PCTP: variants seen among roughly 807,000 people sequenced by gnomAD.
The protein encoded by PCTP is phosphatidylcholine transfer protein, also known as START domain-containing protein 2.
PCTP carries 27 observed loss-of-function variants against 31.0 expected under a neutral mutation model. That is an observed-to-expected ratio of 0.87 (90% confidence interval 0.64 to 1.20). The LOEUF (loss-of-function observed/expected upper bound fraction) is 1.20. PCTP is among the 50% of genes most tolerant of loss of function. The pLI is 0.00. For missense variants in PCTP, 287 were observed against 268.2 expected (o/e 1.07, Z -0.49); for synonymous variants, 108 against 101.2 (o/e 1.07, Z -0.40).
chr17:55,790,206 G>C (rs1359075410), intron 3 of PCTP, among the ~76,000 whole-genome samples: 1 of 151,990 alleles, frequency 6.6e-6, no homozygotes. Context: ...CATACTGAAT[G>C]GGCAAAAACT....
Position 55,756,601 on chromosome 17 carries a change from G to C in PCTP, c.141+5357G>C, listed in dbSNP as rs146829649. On this transcript the variant is annotated intron_variant, in intron 1 of 5. Coordinates refer to ENST00000268896, the MANE Select transcript of PCTP (RefSeq NM_021213.4). Reference sequence around the variant, plus strand: ...AGGGTGGGGCTTTGGTGGTCCTTTTGAGAGGCTCCCCCTTCACATAGGGGT... The same window carrying C: ...AGGGTGGGGCTTTGGTGGTCCTTTTCAGAGGCTCCCCCTTCACATAGGGGT... Among the ~76,000 whole-genome samples the C allele has an allele frequency of 3.3e-3, 506 of 152,284 alleles. 1 individual carries two copies. The highest frequency in any genetic ancestry group is 5.9e-3 in the Non-Finnish European group (402 of 68,016).
rs1264857317 is a variant in PCTP at position 55,771,089 on chromosome 17, C to T, written c.260-17C>T. The T allele has an allele frequency of 1.2e-6, 2 of 1,604,288 alleles. No homozygotes were observed. Among genetic ancestry groups the T allele is most frequent in the South Asian group, 1.1e-5 (1 of 90,842 alleles). On this transcript the variant is annotated splice_polypyrimidine_tract_variant and intron_variant, in intron 2 of 5. Coordinates refer to ENST00000268896, the MANE Select transcript of PCTP (RefSeq NM_021213.4). ...AAAAGGCTTCCAGATGCATTAACTT[C>T]TTTTGCTTTCCTTTAGAACTCTATG...
At chr17:55,838,422 C>T (rs1466290657) in intron 5 of PCTP, among the ~76,000 whole-genome samples, 3 of 152,194 alleles carry the variant, frequency 2.0e-5, no homozygotes, top group Non-Finnish European at 4.4e-5. Flanking sequence ...TTCACTTCCT[C>T]AGGAAGCCTC....
At chr17:55,844,039 T>G (rs1373465350), downstream of PCTP, among the ~76,000 whole-genome samples, 2 of 152,174 alleles carry the variant, frequency 1.3e-5, no homozygotes, top group African/African-American at 4.8e-5. Context: ...AGGAGACAGA[T>G]TTGAGAGAGG....
chr17:55,840,354 T>G (rs1371237811), intron 5 of PCTP, among the ~76,000 whole-genome samples: 1 of 152,206 alleles, frequency 6.6e-6, no homozygotes, highest in Non-Finnish European at 1.5e-5. Context: ...TTTGTACACT[T>G]TACTTGAAAA....
At chr17:55,808,921 C>A (rs1370534186) in intron 3 of PCTP, among the ~76,000 whole-genome samples, 1 of 152,168 alleles carries the variant, frequency 6.6e-6, no homozygotes, top group Non-Finnish European at 1.5e-5. Context: ...TTGAGCCAAT[C>A]CCGTATTGGC....
chr17:55,837,181 A>G (rs1003074664), intron 5 of PCTP, among the ~76,000 whole-genome samples: 1 of 152,252 alleles, frequency 6.6e-6, no homozygotes, highest in Non-Finnish European at 1.5e-5. Context: ...GGTGCAGCCA[A>G]TGATGAGGGA....
downstream of PCTP, among the ~76,000 whole-genome samples, chr17:55,843,831 T>C (rs1306837643): frequency 2.6e-5 from 4 of 152,234 alleles, no homozygotes; most frequent in Non-Finnish European, 5.9e-5. Context: ...TGTGTGTATA[T>C]GAAATTAAAT....
chr17:55,765,319 CT>C (rs1438807876), intron 1 of PCTP, among the ~76,000 whole-genome samples: 1 of 152,178 alleles, frequency 6.6e-6, no homozygotes, highest in African/African-American at 2.4e-5. Flanking sequence ...TTAAACTCAA[CT>C]TGTTCAAAAG....
At chr17:55,844,648 C>T (rs1278805219), downstream of PCTP, among the ~76,000 whole-genome samples, 2 of 152,074 alleles carry the variant, frequency 1.3e-5, no homozygotes, top group Non-Finnish European at 2.9e-5. Context: ...CCAGTATAGA[C>T]TCACCGACAT....
the PCTP span, among the ~76,000 whole-genome samples, chr17:55,852,200 G>A: frequency 6.6e-6 from 1 of 152,132 alleles, no homozygotes; most frequent in African/African-American, 2.4e-5. Context: ...TGAAATTCAA[G>A]TGCAATGGAA....
downstream of PCTP, among the ~76,000 whole-genome samples, chr17:55,781,842 T>C (rs974163848): frequency 2.0e-5 from 3 of 152,214 alleles, no homozygotes; most frequent in Non-Finnish European, 4.4e-5. Context: ...GTATACACTA[T>C]GATGTTTGCA....
chr17:55,773,622 T>G, intron 3 of PCTP, 102 bp from the exon 4 acceptor site: 1 of 1,124,458 alleles, frequency 8.9e-7, no homozygotes, highest in Non-Finnish European at 1.3e-6. Context: ...AAATGCCAAG[T>G]GGGAGGCACA....
intron 3 of PCTP, among the ~76,000 whole-genome samples, chr17:55,813,515 AT>A (rs747471669): frequency 1.3e-5 from 2 of 152,084 alleles, no homozygotes; most frequent in Non-Finnish European, 2.9e-5. Context: ...GGGTTTCATC[AT>A]GTTGGCCAGG....
At chr17:55,843,520 G>A (rs369160485), downstream of PCTP, among the ~76,000 whole-genome samples, 8 of 152,140 alleles carry the variant, frequency 5.3e-5, no homozygotes, top group South Asian at 4.1e-4. Context: ...GTCTTTGCTC[G>A]TGATAGTTCC....
intron 2 of PCTP, among the ~76,000 whole-genome samples, chr17:55,768,465 T>A (rs1411468471): frequency 6.6e-6 from 1 of 152,164 alleles, no homozygotes; most frequent in Non-Finnish European, 1.5e-5. Flanking sequence ...CATTCTAGGC[T>A]CAGGGATCAG....
At chr17:55,816,867 ATGT>A (rs1196560682) in intron 3 of PCTP, among the ~76,000 whole-genome samples, 1 of 152,226 alleles carries the variant, frequency 6.6e-6, no homozygotes, top group East Asian at 1.9e-4. Flanking sequence ...CGTTTGCTAA[ATGT>A]TGTCTTTATT....
chr17:55,751,694 G>A (rs1224068952), intron 1 of PCTP, among the ~76,000 whole-genome samples: 1 of 152,200 alleles, frequency 6.6e-6, no homozygotes, highest in Non-Finnish European at 1.5e-5. Flanking sequence ...GATGTGCAGG[G>A]TGGTGTCAGG....
chr17:55,770,962 G>T (rs921065657), intron 2 of PCTP, 144 bp from the exon 3 acceptor site: 1 of 637,836 alleles, frequency 1.6e-6, no homozygotes, highest in Non-Finnish European at 2.8e-6. Context: ...TGAACTCCTG[G>T]ACTTGAGCAA....
Sources: gnomAD v4.1 joint callset for allele counts (sites outside exome capture counted in the v4.1 genomes callset) on GRCh38, gnomAD v4.1.1 for gene constraint, MANE v1.5 for transcripts, NCBI Gene and HGNC (gene_info 2026-07-23, HGNC 2026-07-21) for gene names.